SYNE3: variants seen among roughly 807,000 people sequenced by gnomAD.
SYNE3 encodes nesprin-3.
In SYNE3, 100 loss-of-function variants were observed where a neutral mutation model predicts 111.2. That is an observed-to-expected ratio of 0.90 (90% CI 0.77 to 1.06). The LOEUF (loss-of-function observed/expected upper bound fraction) is 1.06. Among genes scored for constraint, SYNE3 ranks in the 50% least tolerant of loss-of-function variants. The probability of loss-of-function intolerance (pLI) is 0.00; values close to 1 mark genes in which losing one functional copy is unlikely to be tolerated. For missense variants in SYNE3, 1,160 were observed against 1,240.3 expected (o/e 0.94, Z 0.97); for synonymous variants, 547 against 533.9 (o/e 1.02, Z -0.34).
At chr14:95,503,610 C>CTTTTTTT (rs386382233) in intron 1 of SYNE3, among the ~76,000 whole-genome samples, 8 of 91,888 alleles carry the variant, frequency 8.7e-5, no homozygotes, top group Non-Finnish European at 1.3e-4. Context: ...TCAGAACTAC[C>CTTTTTTT]TTTTTTTTTT....
At chr14:95,431,883 C>G (rs1004832623) in intron 17 of SYNE3, among the ~76,000 whole-genome samples, 196 bp downstream of exon 17, 34 of 152,344 alleles carry the variant, frequency 2.2e-4, no homozygotes, top group East Asian at 1.9e-3. Context: ...CAGCCTCCCC[C>G]CAAGCCTGGG....
At chr14:95,461,024 C>T (rs903900950) in intron 4 of SYNE3, among the ~76,000 whole-genome samples, 21 of 152,184 alleles carry the variant, frequency 1.4e-4, no homozygotes, top group African/African-American at 4.6e-4. Context: ...AGCTGAGATC[C>T]GTGCCAGGCA....
chr14:95,437,029 T>C (rs1886125575), intron 14 of SYNE3, 48 bp from the exon 15 acceptor site: 1 of 1,610,814 alleles, frequency 6.2e-7, no homozygotes, highest in Non-Finnish European at 8.5e-7. Flanking sequence ...AGAGCCCCCC[T>C]GGCCATGTGT....
intron 1 of SYNE3, among the ~76,000 whole-genome samples, chr14:95,480,795 G>A (rs1889195922): frequency 6.6e-6 from 1 of 152,044 alleles, no homozygotes. Flanking sequence ...AAGAGAAGGT[G>A]CTAACACTCA....
chr14:95,494,735 C>T (rs1890010124), intron 1 of SYNE3, among the ~76,000 whole-genome samples: 1 of 152,160 alleles, frequency 6.6e-6, no homozygotes, highest in African/African-American at 2.4e-5. Context: ...AACAGGGCAC[C>T]TTAAGTCACA....
At chr14:95,492,464 T>A (rs1889894488) in intron 1 of SYNE3, among the ~76,000 whole-genome samples, 1 of 152,188 alleles carries the variant, frequency 6.6e-6, no homozygotes, top group Non-Finnish European at 1.5e-5. Flanking sequence ...TATGCCACAA[T>A]ATAGAGAAAC....
chr14:95,515,488 C>G (rs1366420322), intron 1 of SYNE3, among the ~76,000 whole-genome samples: 1 of 152,214 alleles, frequency 6.6e-6, no homozygotes, highest in Non-Finnish European at 1.5e-5. Flanking sequence ...CACTCCCCCT[C>G]TCTGGGCCTG....
At chr14:95,511,431 T>G (rs35658410) in intron 1 of SYNE3, among the ~76,000 whole-genome samples, 1,533 of 152,268 alleles carry the variant, frequency 0.01, 16 homozygotes, top group Non-Finnish European at 0.014. Flanking sequence ...CCAGGCGCGG[T>G]GACTCACGCC....
At chr14:95,440,404 CA>C (rs1474564356) in intron 11 of SYNE3, among the ~76,000 whole-genome samples, 2 of 152,200 alleles carry the variant, frequency 1.3e-5, no homozygotes, top group Non-Finnish European at 2.9e-5. Context: ...AGAATCTACC[CA>C]AATGGAACGT....
Position 95,450,079 on chromosome 14 carries a change from C to G in SYNE3, c.1301G>C (p.Arg434Pro). ...CCACAGCTCCACCGCCGCGGCATTG[C>G]GCAGCCTCGCGCTCTTCACCTTCAG... ...QSLKVKSARL[R>P]NAAAVELWQH... Residue 434 changes from arginine (R) to proline (P), a missense_variant, in exon 8 of 18, where the codon CGC becomes CCC. Physicochemically the swap from Arg to Pro is moderately radical, Grantham distance 103 (BLOSUM62 -2). Coordinates refer to ENST00000682763, the MANE Select transcript of SYNE3 (RefSeq NM_152592.6). 2 of 1,574,178 alleles carry G rather than the reference C, an allele frequency of 1.3e-6. No individual in the cohort carries two copies. Among genetic ancestry groups the G allele is most frequent in the Non-Finnish European group, 1.7e-6 (2 of 1,159,496 alleles).
chr14:95,444,116 TACAGTCC>T (rs1886566571), intron 10 of SYNE3: 1 of 290,322 alleles, frequency 3.4e-6, no homozygotes, highest in Non-Finnish European at 6.3e-6. Context: ...TCAGCCTACT[TACAGTCC>T]ACGTTTCAGA....
In SYNE3 at chr14:95,433,259, C is replaced by A. The variant is rs780523611; in HGVS notation, c.2688+1G>T. On this transcript the variant is annotated splice_donor_variant, in intron 16 of 17. Coordinates refer to ENST00000682763, the MANE Select transcript of SYNE3 (RefSeq NM_152592.6). LOFTEE classifies it high-confidence loss of function. ...GGGACCTGCACATCCTTGGCACCTA[C>A]CAGCAGGTGGCCAGAGTCCTTCAGC... 2 of 1,613,314 alleles carry A rather than the reference C, an allele frequency of 1.2e-6. No individual in the cohort carries two copies. The highest frequency in any genetic ancestry group is 2.2e-5 in the South Asian group (2 of 90,990).
At chr14:95,497,723 T>C (rs991802927) in intron 1 of SYNE3, among the ~76,000 whole-genome samples, 1 of 152,084 alleles carries the variant, frequency 6.6e-6, no homozygotes, top group Non-Finnish European at 1.5e-5. Flanking sequence ...AGCATGAAAA[T>C]AGCCACAGAT....
At chr14:95,491,165 C>T (rs1164897988) in intron 1 of SYNE3, among the ~76,000 whole-genome samples, 3 of 152,148 alleles carry the variant, frequency 2.0e-5, no homozygotes, top group Admixed American at 6.6e-5. Context: ...CACGGGATGA[C>T]AGGACATTCC....
intron 11 of SYNE3, 90 bp from the exon 12 acceptor site, chr14:95,440,165 C>A: frequency 6.8e-7 from 1 of 1,465,490 alleles, no homozygotes; most frequent in Non-Finnish European, 9.1e-7. Context: ...GGCTCTCACA[C>A]CCGCTGGGGA....
chr14:95,420,810 AGAGAAGGG>A, intron 17 of SYNE3, among the ~76,000 whole-genome samples: 1 of 152,188 alleles, frequency 6.6e-6, no homozygotes, highest in Non-Finnish European at 1.5e-5. Flanking sequence ...TCTTCCAAAG[AGAGAAGGG>A]GCTTCCTCAG....
intron 1 of SYNE3, among the ~76,000 whole-genome samples, chr14:95,496,161 C>T (rs976675150): frequency 6.6e-6 from 1 of 152,220 alleles, no homozygotes; most frequent in Non-Finnish European, 1.5e-5. Flanking sequence ...CTCTCCTTTC[C>T]AAAGCTTGGG....
chr14:95,461,137 G>A (rs769912259), intron 4 of SYNE3, among the ~76,000 whole-genome samples: 5 of 152,246 alleles, frequency 3.3e-5, no homozygotes, highest in Non-Finnish European at 7.3e-5. Flanking sequence ...ACCATCTGCG[G>A]CGGGCAGAGC....
chr14:95,496,326 T>C (rs1334379687), intron 1 of SYNE3, among the ~76,000 whole-genome samples: 1 of 152,224 alleles, frequency 6.6e-6, no homozygotes, highest in Non-Finnish European at 1.5e-5. Context: ...AGTGTTGCAT[T>C]TGGAGGATTC....
Sources: allele counts gnomAD v4.1 joint callset (sites outside exome capture counted in the v4.1 genomes callset), GRCh38; gene constraint gnomAD v4.1.1; transcripts MANE v1.5; gene names NCBI Gene and HGNC (gene_info 2026-07-23, HGNC 2026-07-21).